The following RANBP2 variants were observed in gnomAD, a reference collection of about 807,000 sequenced individuals.
RANBP2 encodes the protein RAN binding protein 2, also known as E3 SUMO-protein ligase RanBP2.
A neutral mutation model predicts 303.6 loss-of-function variants in RANBP2; 57 were observed. The ratio of observed to expected loss-of-function variants is 0.19; its 90% CI spans 0.15 to 0.23. The LOEUF (loss-of-function observed/expected upper bound fraction) is 0.23. RANBP2 is among the 10% of genes least tolerant of loss of function. RANBP2 has a pLI of 1.00. For synonymous variants in RANBP2, 1,167 were observed against 1,301.5 expected (o/e 0.90, Z 2.23); for missense variants, 3,138 against 3,780.8 (o/e 0.83, Z 4.46).
the RANBP2 span, among the ~76,000 whole-genome samples, chr2:109,345,858 G>T: frequency 6.6e-6 from 1 of 152,198 alleles, no homozygotes. Context: ...GCTGTCCTGG[G>T]CATTGCAGGG....
chr2:109,265,045 C>T, the RANBP2 span, among the ~76,000 whole-genome samples: 1 of 152,354 alleles, frequency 6.6e-6, no homozygotes, highest in Non-Finnish European at 1.5e-5. Flanking sequence ...CTCTTGTGGA[C>T]CGCAGTCTAA....
At chr2:109,567,345 C>T in the RANBP2 span, among the ~76,000 whole-genome samples, 1 of 152,214 alleles carries the variant, frequency 6.6e-6, no homozygotes, top group Non-Finnish European at 1.5e-5. Context: ...AGAACTTAGT[C>T]ACCTTCCATT....
intron 9 of RANBP2, 151 bp from the exon 10 acceptor site, chr2:108,751,113 A>G: frequency 7.5e-7 from 1 of 1,339,382 alleles, no homozygotes; most frequent in Non-Finnish European, 1.0e-6. Flanking sequence ...AGAACATGAG[A>G]TTTTGCCTAA....
chr2:108,973,726 C>A, the RANBP2 span, among the ~76,000 whole-genome samples: 1 of 152,198 alleles, frequency 6.6e-6, no homozygotes, highest in Non-Finnish European at 1.5e-5. Flanking sequence ...ACTACAAAAC[C>A]TGGAAATTTT....
the RANBP2 span, among the ~76,000 whole-genome samples, chr2:108,985,755 G>A: frequency 6.6e-6 from 1 of 152,168 alleles, no homozygotes; most frequent in South Asian, 2.1e-4. Context: ...ACTAGGATTT[G>A]TTTGCTTATT....
the RANBP2 span, among the ~76,000 whole-genome samples, chr2:109,012,969 C>T: frequency 3.3e-5 from 5 of 152,188 alleles, no homozygotes; most frequent in South Asian, 2.1e-4. Context: ...TTGTATATTC[C>T]GGAGGAAAAG....
At chr2:109,680,734 C>A in the RANBP2 span, among the ~76,000 whole-genome samples, 1 of 152,098 alleles carries the variant, frequency 6.6e-6, no homozygotes, top group Non-Finnish European at 1.5e-5. Flanking sequence ...CTGTTTCAGT[C>A]TGGATGTTTC....
At chr2:109,223,044 G>A in the RANBP2 span, among the ~76,000 whole-genome samples, 2 of 152,262 alleles carry the variant, frequency 1.3e-5, no homozygotes, top group Admixed American at 6.5e-5. Flanking sequence ...ATCAGATGGT[G>A]TGATCCCACC....
At chr2:109,740,204 G>T in the RANBP2 span, among the ~76,000 whole-genome samples, 9 of 151,564 alleles carry the variant, frequency 5.9e-5, no homozygotes, top group African/African-American at 2.2e-4. Context: ...GGCCAGGATG[G>T]TCTCAATCTC....
chr2:109,340,298 T>A, the RANBP2 span, among the ~76,000 whole-genome samples: 21 of 152,096 alleles, frequency 1.4e-4, no homozygotes, highest in Non-Finnish European at 2.5e-4. Context: ...GCTGTAAGGA[T>A]CCTGTGGGTC....
chr2:109,056,526 C>T, the RANBP2 span, among the ~76,000 whole-genome samples: 1 of 152,168 alleles, frequency 6.6e-6, no homozygotes, highest in African/African-American at 2.4e-5. Context: ...AAAGCATCCT[C>T]CTGATTGACA....
the RANBP2 span, chr2:109,613,281 T>A: frequency 1.0e-4 from 82 of 809,492 alleles, no homozygotes; most frequent in Non-Finnish European, 1.3e-4. Flanking sequence ...TACAAAAGAG[T>A]CAAGGCGGGA....
chr2:109,715,651 C>T, the RANBP2 span, among the ~76,000 whole-genome samples: 8 of 152,074 alleles, frequency 5.3e-5, no homozygotes, highest in African/African-American at 1.9e-4. Flanking sequence ...GGCTTCATTA[C>T]CCAGGCATGA....
the RANBP2 span, among the ~76,000 whole-genome samples, chr2:108,887,831 C>A: frequency 0.14 from 21,884 of 152,050 alleles, 2,722 homozygotes; most frequent in African/African-American, 0.34. Flanking sequence ...AATTTAATTT[C>A]CTCTTTTCCA....
chr2:108,861,472 C>CTTTTTTTTTTTTTT, the RANBP2 span, among the ~76,000 whole-genome samples: 12 of 123,520 alleles, frequency 9.7e-5, 1 homozygote, highest in African/African-American at 3.1e-4. Flanking sequence ...AACTTTCTTC[C>CTTTTTTTTTTTTTT]TTTTTTTTTT....
the RANBP2 span, among the ~76,000 whole-genome samples, chr2:109,486,693 C>T: frequency 6.6e-6 from 1 of 152,078 alleles, no homozygotes; most frequent in Admixed American, 6.5e-5. Context: ...AGAGTTTGCA[C>T]CCAGCAGTGT....
chr2:108,771,414 A>G (rs1002800866), intron 20 of RANBP2, among the ~76,000 whole-genome samples: 19 of 152,092 alleles, frequency 1.2e-4, no homozygotes, highest in African/African-American at 3.9e-4. Context: ...AATTCTAGAA[A>G]TTTATAGTAA....
the RANBP2 span, among the ~76,000 whole-genome samples, chr2:108,820,423 A>G: frequency 6.6e-6 from 1 of 152,174 alleles, no homozygotes; most frequent in East Asian, 1.9e-4. Flanking sequence ...TTGTAGAAAT[A>G]ATGGCTGAAA....
chr2:108,889,876 G>C, the RANBP2 span, among the ~76,000 whole-genome samples: 4 of 152,082 alleles, frequency 2.6e-5, no homozygotes, highest in African/African-American at 9.6e-5. Flanking sequence ...TTGTTGTTGT[G>C]GTTGGTGGGT....
Sources: gnomAD v4.1 joint callset for allele counts (sites outside exome capture counted in the v4.1 genomes callset) on GRCh38, gnomAD v4.1.1 for gene constraint, MANE v1.5 for transcripts, NCBI Gene and HGNC (gene_info 2026-07-23, HGNC 2026-07-21) for gene names.